The following KAZN variants were observed in gnomAD, a reference collection of about 807,000 sequenced individuals.
The protein encoded by KAZN is kazrin, periplakin interacting protein, also known as kazrin.
KAZN carries 40 observed loss-of-function variants against 87.4 expected under a neutral mutation model. The observed-to-expected ratio is 0.46, with a 90% CI of 0.36 to 0.60. The LOEUF is 0.60. Ranked by LOEUF, KAZN falls within the 20% of genes least tolerant of loss-of-function variation. KAZN has a pLI of 0.00. For synonymous variants in KAZN, 466 were observed against 458.3 expected (o/e 1.02, Z -0.22); for missense variants, 898 against 1,073.9 (o/e 0.84, Z 2.29).
At chr1:14,802,291 C>CT (rs1646058852) in intron 1 of KAZN, among the ~76,000 whole-genome samples, 1 of 151,516 alleles carries the variant, frequency 6.6e-6, no homozygotes, top group Non-Finnish European at 1.5e-5. Flanking sequence ...GTAGTCCCAG[C>CT]TATTAGGGAG....
intron 1 of KAZN, among the ~76,000 whole-genome samples, chr1:14,848,234 CCTT>C (rs770889546): frequency 3.1e-4 from 47 of 152,130 alleles, no homozygotes; most frequent in Admixed American, 1.0e-3. Context: ...TTTTCTCTGA[CCTT>C]CTCCTTCTCC....
chr1:14,460,984 T>G (rs1667820855), intron 2 of KAZN, among the ~76,000 whole-genome samples: 1 of 152,014 alleles, frequency 6.6e-6, no homozygotes, highest in Non-Finnish European at 1.5e-5. Flanking sequence ...AAACCTAGAG[T>G]ATCTGGACCC....
intron 1 of KAZN, among the ~76,000 whole-genome samples, chr1:14,950,598 C>A (rs1039803080): frequency 6.6e-6 from 1 of 152,136 alleles, no homozygotes; most frequent in Non-Finnish European, 1.5e-5. Context: ...TAGGACGCTG[C>A]GAGCTGAGTT....
intron 2 of KAZN, among the ~76,000 whole-genome samples, chr1:14,376,719 C>T (rs1170579248): frequency 6.6e-6 from 1 of 152,146 alleles, no homozygotes; most frequent in Non-Finnish European, 1.5e-5. Flanking sequence ...TAACCTTGGG[C>T]AAATCATATG....
At chr1:14,776,800 G>A (rs1248489647) in intron 1 of KAZN, among the ~76,000 whole-genome samples, 2 of 152,082 alleles carry the variant, frequency 1.3e-5, no homozygotes, top group African/African-American at 2.4e-5. Context: ...GCCAAGCATA[G>A]TGGCGCATAC....
At chr1:14,532,440 CA>C (rs1332557425) in intron 2 of KAZN, among the ~76,000 whole-genome samples, 2 of 138,192 alleles carry the variant, frequency 1.4e-5, no homozygotes, top group East Asian at 2.2e-4. Context: ...CTTTCCTGGT[CA>C]AAAAACATGT....
At chr1:14,272,254 A>G (rs1463046364) in intron 2 of KAZN, among the ~76,000 whole-genome samples, 2 of 152,050 alleles carry the variant, frequency 1.3e-5, no homozygotes, top group East Asian at 3.9e-4. Flanking sequence ...GATGTCTCTC[A>G]CCTTCTCCTG....
intron 1 of KAZN, among the ~76,000 whole-genome samples, chr1:14,895,108 C>A (rs1485639142): frequency 6.6e-6 from 1 of 152,270 alleles, no homozygotes; most frequent in Non-Finnish European, 1.5e-5. Flanking sequence ...ACTGGCCCCT[C>A]CCTGGCTTTG....
chr1:15,029,622 A>G (rs1483921021), intron 2 of KAZN, among the ~76,000 whole-genome samples: 1 of 152,176 alleles, frequency 6.6e-6, no homozygotes, highest in Non-Finnish European at 1.5e-5. Context: ...CATTTGTGAG[A>G]GGAAAGGCCT....
intron 1 of KAZN, among the ~76,000 whole-genome samples, chr1:14,603,783 T>A (rs576461326): frequency 6.6e-6 from 1 of 152,262 alleles, no homozygotes; most frequent in Non-Finnish European, 1.5e-5. Context: ...TTAGGAATCC[T>A]ATAGGGTTAT....
intron 2 of KAZN, among the ~76,000 whole-genome samples, chr1:14,365,692 G>A (rs567344281): frequency 6.6e-6 from 1 of 152,222 alleles, no homozygotes; most frequent in African/African-American, 2.4e-5. Context: ...CCTTTCCCCA[G>A]TCATAACAAT....
chr1:14,407,864 A>C (rs1302515948), intron 2 of KAZN, among the ~76,000 whole-genome samples: 1 of 152,214 alleles, frequency 6.6e-6, no homozygotes, highest in East Asian at 1.9e-4. Flanking sequence ...GCTCCTGGAA[A>C]GTGCTTATAT....
intron 2 of KAZN, among the ~76,000 whole-genome samples, chr1:15,025,272 T>C (rs555140849): frequency 9.2e-5 from 14 of 152,332 alleles, no homozygotes; most frequent in African/African-American, 3.4e-4. Context: ...CCCTTAAGCA[T>C]GCTGTTTGGA....
intron 1 of KAZN, among the ~76,000 whole-genome samples, chr1:14,928,427 C>T (rs1477676737): frequency 3.4e-5 from 5 of 148,886 alleles, no homozygotes; most frequent in African/African-American, 7.5e-5. Context: ...CCAGCCTGGG[C>T]GACAGAGCGA....
intron 1 of KAZN, among the ~76,000 whole-genome samples, chr1:14,651,627 A>G (rs1181030685): frequency 6.6e-6 from 1 of 152,216 alleles, no homozygotes; most frequent in Non-Finnish European, 1.5e-5. Context: ...GTTTCATTCT[A>G]TGGAAGCATT....
chr1:14,402,714 C>A (rs1206010530), intron 2 of KAZN, among the ~76,000 whole-genome samples: 2 of 152,132 alleles, frequency 1.3e-5, no homozygotes, highest in Non-Finnish European at 2.9e-5. Context: ...GAAGAACCTG[C>A]TCTATCAGTT....
intron 2 of KAZN, among the ~76,000 whole-genome samples, chr1:14,197,907 T>C (rs1646561630): frequency 1.3e-5 from 2 of 151,844 alleles, no homozygotes; most frequent in Admixed American, 1.3e-4. Flanking sequence ...ATAGGGAGAA[T>C]GAAGGGGATG....
intron 1 of KAZN, among the ~76,000 whole-genome samples, chr1:14,014,774 G>C (rs771901737): frequency 6.6e-6 from 1 of 152,200 alleles, no homozygotes; most frequent in African/African-American, 2.4e-5. Context: ...GGGTGAGAAA[G>C]TGGAGCCCTG....
chr1:14,569,704 T>C (rs1231792695), intron 2 of KAZN, among the ~76,000 whole-genome samples: 1 of 152,058 alleles, frequency 6.6e-6, no homozygotes, highest in African/African-American at 2.4e-5. Context: ...AAATCACAAG[T>C]CATTAACACC....
Sources: gnomAD v4.1 joint callset for allele counts (sites outside exome capture counted in the v4.1 genomes callset) on GRCh38, gnomAD v4.1.1 for gene constraint, MANE v1.5 for transcripts, NCBI Gene and HGNC (gene_info 2026-07-23, HGNC 2026-07-21) for gene names.